The following SHISAL2A variants were observed in gnomAD, a reference collection of about 807,000 sequenced individuals.
The protein encoded by SHISAL2A is shisa like 2A.
In SHISAL2A, 18 loss-of-function variants were observed where a neutral mutation model predicts 11.5. The observed-to-expected ratio is 1.57, with a 90% CI of 1.08 to 2.33. The LOEUF is 2.33. Ranked by LOEUF, SHISAL2A falls within the 30% of genes most tolerant of loss-of-function variation. The pLI is 0.00. For synonymous variants in SHISAL2A, 94 were observed against 99.6 expected (o/e 0.94, Z 0.34); for missense variants, 261 against 250.9 (o/e 1.04, Z -0.27).
downstream of SHISAL2A, among the ~76,000 whole-genome samples, chr1:52,658,372 A>G (rs770575561): frequency 4.2e-4 from 64 of 152,230 alleles, 2 homozygotes; most frequent in Admixed American, 2.0e-4. Flanking sequence ...CCAATGGATG[A>G]TAACATAGTA....
Position 52,657,044 on chromosome 1 carries a change from T to C in SHISAL2A, c.*4T>C. 1 of 1,586,554 alleles carries C rather than the reference T, an allele frequency of 6.3e-7. No homozygotes were observed. Among genetic ancestry groups the C allele is most frequent in the Non-Finnish European group, 8.6e-7 (1 of 1,163,814 alleles). Reference sequence around the variant, plus strand: ...CCTATGTGGACCAGTCCCATAAACATTCAATAAATGTCTCCATACCATCCC... The same window carrying C: ...CCTATGTGGACCAGTCCCATAAACACTCAATAAATGTCTCCATACCATCCC... On this transcript the variant is annotated 3_prime_UTR_variant, in exon 3 of 3. Coordinates refer to ENST00000517870, the MANE Select transcript of SHISAL2A (RefSeq NM_001042693.3).
At chr1:52,654,597 A>G (rs1558092469) in intron 2 of SHISAL2A, among the ~76,000 whole-genome samples, 1 of 152,200 alleles carries the variant, frequency 6.6e-6, no homozygotes, top group Non-Finnish European at 1.5e-5. Context: ...AAACTTCCAT[A>G]AGTAAAAAAT....
chr1:52,644,890 G>A (rs1279879288), intron 2 of SHISAL2A, among the ~76,000 whole-genome samples: 6 of 142,714 alleles, frequency 4.2e-5, no homozygotes, highest in African/African-American at 1.6e-4. Flanking sequence ...GGTGGTGGGC[G>A]CCTGTAGTCC....
At chr1:52,639,671 T>C (rs1691316118) in intron 1 of SHISAL2A, among the ~76,000 whole-genome samples, 1 of 152,106 alleles carries the variant, frequency 6.6e-6, no homozygotes, top group Non-Finnish European at 1.5e-5. Context: ...GAGAATGGCA[T>C]GAACCTGGGA....
chr1:52,657,859 AGAAT>A (rs921513840), downstream of SHISAL2A, among the ~76,000 whole-genome samples: 1 of 152,116 alleles, frequency 6.6e-6, no homozygotes, highest in African/African-American at 2.4e-5. Flanking sequence ...AAAAAGAAGA[AGAAT>A]GAATGAATGA....
At chr1:52,646,570 C>T (rs1307271200) in intron 2 of SHISAL2A, among the ~76,000 whole-genome samples, 3 of 150,526 alleles carry the variant, frequency 2.0e-5, no homozygotes, top group Non-Finnish European at 4.4e-5. Flanking sequence ...TGCAAATTTC[C>T]CTACTTGCTA....
intron 1 of SHISAL2A, among the ~76,000 whole-genome samples, chr1:52,634,139 A>G (rs762957425): frequency 7.9e-5 from 12 of 152,028 alleles, no homozygotes; most frequent in Non-Finnish European, 1.3e-4. Flanking sequence ...ACCTTATTCT[A>G]TCACCAGCCC....
Position 52,666,583 on chromosome 1 carries a change from C to CGCGTGT in SHISAL2A, n.696-815_696-814insCGTGTG, listed in dbSNP as rs1553253597. ...GAACTTTTGTTTCTGTGCACACGCG[C>CGCGTGT]GTGTGTGTGTGTGTGTGTCTATAGT... On this transcript the variant is annotated intron_variant and non_coding_transcript_variant, in intron 4 of 5. Coordinates refer to the SHISAL2A transcript ENST00000401050. 2.7e-3 allele frequency among the ~76,000 whole-genome samples: 401 copies of CGCGTGT among 150,472 alleles called. 1 individual carries two copies. Among genetic ancestry groups the CGCGTGT allele is most frequent in the African/African-American group, 9.1e-3 (372 of 41,040 alleles).
chr1:52,642,676 G>T (rs918603035), intron 1 of SHISAL2A, among the ~76,000 whole-genome samples, 187 bp from the exon 2 acceptor site: 5 of 152,084 alleles, frequency 3.3e-5, no homozygotes, highest in African/African-American at 4.8e-5. Context: ...TGCCCGCCTC[G>T]GCCTCCCAAA....
chr1:52,635,193 A>G (rs1306626014), intron 1 of SHISAL2A, among the ~76,000 whole-genome samples: 1 of 152,210 alleles, frequency 6.6e-6, no homozygotes, highest in Non-Finnish European at 1.5e-5. Flanking sequence ...CAGTTTATTT[A>G]GAGATACAAT....
intron 4 of SHISAL2A, among the ~76,000 whole-genome samples, chr1:52,664,330 A>G (rs1691967263): frequency 6.6e-6 from 1 of 150,716 alleles, no homozygotes; most frequent in Non-Finnish European, 1.5e-5. Context: ...AGCTGGGACT[A>G]CAGGCGCCGG....
chr1:52,640,290 G>A (rs1196295071), intron 1 of SHISAL2A, among the ~76,000 whole-genome samples: 1 of 152,146 alleles, frequency 6.6e-6, no homozygotes, highest in East Asian at 1.9e-4. Flanking sequence ...CCAGAGTCAG[G>A]GAAGAAAATG....
intron 1 of SHISAL2A, among the ~76,000 whole-genome samples, chr1:52,639,162 G>T (rs542731711): frequency 1.3e-5 from 2 of 151,586 alleles, no homozygotes; most frequent in Admixed American, 6.6e-5. Context: ...GGTAGAGTGA[G>T]ATCCTGTCTC....
chr1:52,649,064 T>C (rs706497), intron 2 of SHISAL2A, among the ~76,000 whole-genome samples: 63,413 of 152,054 alleles, frequency 0.42, 13,938 homozygotes, highest in East Asian at 0.72. Context: ...CTCTCTCTGC[T>C]TTTTGCTCAA....
intron 2 of SHISAL2A, among the ~76,000 whole-genome samples, chr1:52,643,891 A>AGAGG (rs981141484): frequency 4.4e-5 from 6 of 137,604 alleles, no homozygotes; most frequent in South Asian, 2.7e-4. Context: ...AGAGAGAGAG[A>AGAGG]GAGGGAGGGA....
intron 4 of SHISAL2A, among the ~76,000 whole-genome samples, chr1:52,664,295 A>G (rs1691966455): frequency 6.6e-6 from 1 of 151,012 alleles, no homozygotes; most frequent in African/African-American, 2.4e-5. Context: ...GGTTCACGCC[A>G]TTCTCCTGCC....
intron 4 of SHISAL2A, among the ~76,000 whole-genome samples, chr1:52,666,654 T>C (rs147310332): frequency 2.0e-3 from 308 of 152,156 alleles, no homozygotes; most frequent in Non-Finnish European, 3.7e-3. Flanking sequence ...TGGCATGTTA[T>C]GGGGTTTACG....
At chr1:52,658,245 G>C (rs1159801790), downstream of SHISAL2A, among the ~76,000 whole-genome samples, 1 of 152,040 alleles carries the variant, frequency 6.6e-6, no homozygotes, top group Non-Finnish European at 1.5e-5. Context: ...TCACCATGTT[G>C]GCCAGGCTGG....
rs1558088605 is a variant in SHISAL2A at position 52,646,112 on chromosome 1, G to A, written c.322+3110G>A. ...TCCCCTAGGACAATTGGCAATGTAT[G>A]TAAACATTTTTGGTTGTCACATTCG... On this transcript the variant is annotated intron_variant, in intron 2 of 2. Coordinates refer to ENST00000517870, the MANE Select transcript of SHISAL2A (RefSeq NM_001042693.3). 2.0e-5 allele frequency among the ~76,000 whole-genome samples: 3 copies of A among 152,186 alleles called. 1 individual carries two copies. The highest frequency in any genetic ancestry group is 4.1e-4 in the South Asian group (2 of 4,832).
Sources: gnomAD v4.1 joint callset for allele counts (sites outside exome capture counted in the v4.1 genomes callset) on GRCh38, gnomAD v4.1.1 for gene constraint, MANE v1.5 for transcripts, NCBI Gene and HGNC (gene_info 2026-07-23, HGNC 2026-07-21) for gene names.